Variants in GLDC observed in about 807,000 individuals in gnomAD.
GLDC encodes the protein glycine decarboxylase, also known as glycine dehydrogenase (decarboxylating), mitochondrial.
A neutral mutation model predicts 121.3 loss-of-function variants in GLDC; 104 were observed. That is an observed-to-expected ratio of 0.86 (90% confidence interval 0.73 to 1.01). The LOEUF (loss-of-function observed/expected upper bound fraction) is 1.01, where lower values mean the gene tolerates loss of function less well. Among genes scored for constraint, GLDC ranks in the 50% least tolerant of loss-of-function variants. The probability of loss-of-function intolerance (pLI) is 0.00; values close to 1 mark genes in which losing one functional copy is unlikely to be tolerated. For missense variants in GLDC, 1,429 were observed against 1,306.6 expected (o/e 1.09, Z -1.44); for synonymous variants, 546 against 480.6 (o/e 1.14, Z -1.78).
chr9:6,641,357 G>T (rs1819625556), intron 2 of GLDC, among the ~76,000 whole-genome samples: 1 of 152,198 alleles, frequency 6.6e-6, no homozygotes, highest in Admixed American at 6.5e-5. Flanking sequence ...TTTCCACTGG[G>T]GCAGTTGGCA....
chr9:6,603,482 C>T (rs540774266), intron 7 of GLDC, among the ~76,000 whole-genome samples: 26 of 142,482 alleles, frequency 1.8e-4, no homozygotes, highest in African/African-American at 3.1e-4. Context: ...ACAGTGGCCA[C>T]GTTTACACCA....
At chr9:6,545,743 C>T (rs760258524) in intron 21 of GLDC, among the ~76,000 whole-genome samples, 3 of 152,044 alleles carry the variant, frequency 2.0e-5, no homozygotes, top group Non-Finnish European at 2.9e-5. Flanking sequence ...TGGGTTCAAG[C>T]GATTATTATG....
chr9:6,537,855 T>TTTA (rs1817168196), intron 22 of GLDC, among the ~76,000 whole-genome samples: 1 of 151,972 alleles, frequency 6.6e-6, no homozygotes, highest in Admixed American at 6.6e-5. Flanking sequence ...ACCACCTAGA[T>TTTA]TCTACAATGC....
At chr9:6,639,173 C>T (rs2130010439) in intron 2 of GLDC, 3 of 793,376 alleles carry the variant, frequency 3.8e-6, no homozygotes, top group South Asian at 2.7e-5. Flanking sequence ...AAGCTCCTGC[C>T]CCTCCTAAAG....
intron 11 of GLDC, 127 bp from the exon 12 acceptor site, chr9:6,589,419 A>G: frequency 2.7e-6 from 1 of 365,774 alleles, no homozygotes; most frequent in Non-Finnish European, 4.8e-6. Context: ...TTACTTATTT[A>G]TTTATTTATT....
chr9:6,634,794 C>A (rs541819773), intron 2 of GLDC, among the ~76,000 whole-genome samples: 17 of 152,216 alleles, frequency 1.1e-4, no homozygotes, highest in Admixed American at 1.1e-3. Context: ...CAAAGTTAGA[C>A]CTGCATTAGT....
intron 21 of GLDC, among the ~76,000 whole-genome samples, chr9:6,548,584 A>G (rs1817444814): frequency 6.6e-6 from 1 of 152,196 alleles, no homozygotes; most frequent in Non-Finnish European, 1.5e-5. Context: ...AGGTAAGACC[A>G]GCCATTAAAT....
chr9:6,568,944 T>C lies in GLDC; in HGVS notation c.1851-3515A>G, dbSNP rs746243705. The stretch of plus-strand genomic sequence containing the variant: ...TGCTGCTTAATGCAGAATGGGGAAA[T>C]TGAGCAGACAACTTCTTCCAAAACT... On this transcript the variant is annotated intron_variant, in intron 15 of 24. Transcript: ENST00000321612. 4 of 152,166 alleles carry C rather than the reference T, an allele frequency of 2.6e-5. No individual in the cohort carries two copies. In the South Asian group the frequency reaches 8.3e-4, roughly 31 times the overall value. 9.4% of individuals were successfully genotyped at this position (152,166 alleles called of 1,614,324 possible). A position where few individuals can be genotyped will look rare whatever the true frequency, so the allele number is the denominator to read the frequency against.
intron 2 of GLDC, among the ~76,000 whole-genome samples, chr9:6,628,220 C>T (rs1051600577): frequency 6.6e-6 from 1 of 152,146 alleles, no homozygotes; most frequent in East Asian, 1.9e-4. Flanking sequence ...TCCTTCAATC[C>T]CAAAGTGGCA....
chr9:6,605,711 C>G (rs1012219399), intron 5 of GLDC, among the ~76,000 whole-genome samples: 12 of 152,154 alleles, frequency 7.9e-5, no homozygotes, highest in Non-Finnish European at 1.0e-4. Context: ...TGTCAGAAAC[C>G]CCCCCTCTGA....
chr9:6,593,879 G>A (rs1818434810), intron 9 of GLDC, among the ~76,000 whole-genome samples: 1 of 151,566 alleles, frequency 6.6e-6, no homozygotes, highest in South Asian at 2.1e-4. Context: ...TTTTAGTAGA[G>A]ACAGGGTTTC....
At chr9:6,543,141 G>A in intron 21 of GLDC, among the ~76,000 whole-genome samples, 1 of 151,564 alleles carries the variant, frequency 6.6e-6, no homozygotes, top group Non-Finnish European at 1.5e-5. Flanking sequence ...CCAGGTGTGT[G>A]GCAGACATCT....
chr9:6,643,276 A>G (rs1819664793), intron 2 of GLDC, among the ~76,000 whole-genome samples: 1 of 151,862 alleles, frequency 6.6e-6, no homozygotes, highest in African/African-American at 2.4e-5. Flanking sequence ...TCAATTCAGC[A>G]AAACATGCAG....
intron 15 of GLDC, among the ~76,000 whole-genome samples, chr9:6,582,450 G>A (rs1335943820): frequency 3.3e-5 from 5 of 152,160 alleles, no homozygotes; most frequent in African/African-American, 1.2e-4. Flanking sequence ...GAACCTGGGA[G>A]GTGGAGGCTG....
At chr9:6,604,485 C>T in intron 7 of GLDC, 103 bp downstream of exon 7, 1 of 1,074,148 alleles carries the variant, frequency 9.3e-7, no homozygotes, top group Non-Finnish European at 1.4e-6. Flanking sequence ...TTAACTGACT[C>T]AACATGGCCC....
chr9:6,560,298 C>T (rs1817725585), intron 16 of GLDC, among the ~76,000 whole-genome samples: 1 of 152,236 alleles, frequency 6.6e-6, no homozygotes, highest in African/African-American at 2.4e-5. Flanking sequence ...CAGCTCTTTC[C>T]TCAAAAACAG....
intron 15 of GLDC, among the ~76,000 whole-genome samples, chr9:6,574,786 C>CT (rs1263111043): frequency 6.6e-6 from 1 of 152,044 alleles, no homozygotes; most frequent in Non-Finnish European, 1.5e-5. Context: ...CCAGAGTACT[C>CT]TGTTTCTGAA....
In GLDC at chr9:6,581,117, G is replaced by T. The variant is rs578116427; in HGVS notation, c.1850+6024C>A. 3.3e-5 allele frequency among the ~76,000 whole-genome samples: 5 copies of T among 152,282 alleles called. No homozygotes were observed. The South Asian group carries it at 1.0e-3, about 32-fold the overall frequency. On this transcript the variant is annotated intron_variant, in intron 15 of 24. Coordinates refer to ENST00000321612, the MANE Select transcript of GLDC (RefSeq NM_000170.3). Reference sequence around the variant, plus strand: ...AAGCCTCAAGTATTGAGGGGTTAAGGCCCCCGGGGTGAAGCCTTCAACAAA... The same window carrying T: ...AAGCCTCAAGTATTGAGGGGTTAAGTCCCCCGGGGTGAAGCCTTCAACAAA...
At chr9:6,569,363 T>C (rs1817909597) in intron 15 of GLDC, 1 of 152,006 alleles carries the variant, frequency 6.6e-6, no homozygotes, top group African/African-American at 2.4e-5. Context: ...GAATTAGAAA[T>C]GGATGTTGTG....
Sources: allele counts gnomAD v4.1 joint callset (sites outside exome capture counted in the v4.1 genomes callset), GRCh38; gene constraint gnomAD v4.1.1; transcripts MANE v1.5; gene names NCBI Gene and HGNC (gene_info 2026-07-23, HGNC 2026-07-21).